The following DLGAP2 variants were observed in gnomAD, a reference collection of about 807,000 sequenced individuals.
The protein encoded by DLGAP2 is disks large-associated protein 2.
Under a neutral mutation model 100.3 loss-of-function variants are expected in DLGAP2, and 26 were observed. That is an observed-to-expected ratio of 0.26 (90% CI 0.19 to 0.36). The LOEUF (loss-of-function observed/expected upper bound fraction) is 0.36. Ranked by LOEUF, DLGAP2 falls within the 10% of genes least tolerant of loss-of-function variation. DLGAP2 has a pLI of 1.00. For missense variants in DLGAP2, 1,858 were observed against 1,453.2 expected, an observed-to-expected ratio of 1.28 and a Z score of -4.53; for synonymous variants, 886 against 630.1, an observed-to-expected ratio of 1.41 and a Z score of -6.08.
intron 2 of DLGAP2, among the ~76,000 whole-genome samples, chr8:1,216,499 A>AT (rs368746179): frequency 1.9e-4 from 28 of 147,960 alleles, no homozygotes; most frequent in Admixed American, 4.1e-4. Flanking sequence ...TGCCTGGCTA[A>AT]TTTTTTTTTT....
intron 2 of DLGAP2, among the ~76,000 whole-genome samples, chr8:1,133,259 G>A (rs982245092): frequency 1.3e-4 from 20 of 152,278 alleles, no homozygotes; most frequent in Middle Eastern, 3.4e-3. Context: ...TTACTTCCAT[G>A]CCTGGGGGTT....
At chr8:825,579 A>G (rs1036687729) in intron 1 of DLGAP2, among the ~76,000 whole-genome samples, 4 of 152,084 alleles carry the variant, frequency 2.6e-5, no homozygotes, top group Admixed American at 1.3e-4. Context: ...CATCCCTCTC[A>G]TTCCAGATGT....
chr8:1,069,370 C>T (rs1341156673), intron 2 of DLGAP2, among the ~76,000 whole-genome samples: 1 of 152,172 alleles, frequency 6.6e-6, no homozygotes, highest in East Asian at 1.9e-4. Context: ...CCAGGTCTCA[C>T]TGGAGGACGG....
chr8:892,739 G>A (rs1365518600), intron 1 of DLGAP2, among the ~76,000 whole-genome samples: 2 of 152,206 alleles, frequency 1.3e-5, no homozygotes, highest in Non-Finnish European at 2.9e-5. Flanking sequence ...GCAGAGGGAT[G>A]GGTAGGAGAG....
chr8:1,592,713 C>T (rs1189376372), intron 6 of DLGAP2, among the ~76,000 whole-genome samples: 1 of 152,082 alleles, frequency 6.6e-6, no homozygotes, highest in Non-Finnish European at 1.5e-5. Flanking sequence ...TTTTTATCTT[C>T]TGTGTTTTCT....
intron 1 of DLGAP2, among the ~76,000 whole-genome samples, chr8:885,687 C>T (rs1254744205): frequency 6.6e-6 from 1 of 152,144 alleles, no homozygotes; most frequent in African/African-American, 2.4e-5. Flanking sequence ...AGAGGGCCTC[C>T]TCGTCTTGTG....
intron 3 of DLGAP2, among the ~76,000 whole-genome samples, chr8:1,308,612 A>T (rs953957184): frequency 6.6e-6 from 1 of 152,176 alleles, no homozygotes; most frequent in East Asian, 1.9e-4. Flanking sequence ...TGCAACCTCA[A>T]CCTCCTGGGT....
intron 1 of DLGAP2, among the ~76,000 whole-genome samples, chr8:820,892 A>G (rs1243725484): frequency 1.3e-5 from 2 of 152,216 alleles, no homozygotes; most frequent in African/African-American, 2.4e-5. Flanking sequence ...CTGTACCGAT[A>G]TGGAGAAATG....
chr8:737,979 G>C, intron 1 of DLGAP2, 154 bp downstream of exon 1: 1 of 330,018 alleles, frequency 3.0e-6, no homozygotes, highest in East Asian at 4.7e-5. Flanking sequence ...GCCGGGGCCG[G>C]AGCGCTGGGG....
chr8:1,195,750 C>A lies in DLGAP2; in HGVS notation c.74-63101C>A, dbSNP rs911610182. On this transcript the variant is annotated intron_variant, in intron 2 of 14. Transcript: ENST00000637795. Reference sequence around the variant, plus strand: ...GTTTAATTTTAGTTACACAGATAATCGCATCACCATCGTTGCTCACCCAGG... The same window carrying A: ...GTTTAATTTTAGTTACACAGATAATAGCATCACCATCGTTGCTCACCCAGG... Among the ~76,000 whole-genome samples the A allele has an allele frequency of 4.6e-5, 7 of 152,146 alleles. No homozygotes were observed. The South Asian group carries it at 6.2e-4, about 14-fold the overall frequency.
intron 2 of DLGAP2, among the ~76,000 whole-genome samples, chr8:979,931 A>C (rs1257884628): frequency 3.3e-5 from 5 of 152,070 alleles, no homozygotes; most frequent in African/African-American, 1.2e-4. Flanking sequence ...AAGAAAGAGG[A>C]GTGAGAGAGG....
intron 2 of DLGAP2, among the ~76,000 whole-genome samples, chr8:1,025,831 G>A (rs1360229447): frequency 1.3e-5 from 2 of 152,238 alleles, no homozygotes; most frequent in East Asian, 1.9e-4. Context: ...GTTTCCAGCT[G>A]TGAGCATGGT....
intron 4 of DLGAP2, among the ~76,000 whole-genome samples, chr8:1,517,333 A>G (rs11784085): frequency 0.18 from 27,883 of 152,068 alleles, 2,869 homozygotes; most frequent in African/African-American, 0.25. Flanking sequence ...GGATGGAAGA[A>G]CGGATGTGGA....
chr8:851,330 C>T (rs918931593), intron 1 of DLGAP2, among the ~76,000 whole-genome samples: 4 of 152,170 alleles, frequency 2.6e-5, no homozygotes, highest in Non-Finnish European at 4.4e-5. Flanking sequence ...TGTCTCAGGA[C>T]GTAGCCCCAT....
chr8:1,573,116 G>C (rs984042826), intron 6 of DLGAP2, among the ~76,000 whole-genome samples: 8 of 135,332 alleles, frequency 5.9e-5, no homozygotes, highest in Non-Finnish European at 1.3e-4. Context: ...TGAACTGTGG[G>C]GGCATCTGAT....
chr8:1,632,339 G>A (rs2469673), intron 7 of DLGAP2, among the ~76,000 whole-genome samples: 2 of 152,162 alleles, frequency 1.3e-5, no homozygotes, highest in Admixed American at 1.3e-4. Context: ...ATGGGTAGAA[G>A]CAGACTCCAT....
intron 1 of DLGAP2, among the ~76,000 whole-genome samples, chr8:894,224 G>A (rs1418741269): frequency 2.6e-5 from 4 of 152,162 alleles, no homozygotes; most frequent in East Asian, 1.9e-4. Flanking sequence ...AGGTGGACAC[G>A]GAATGAGTGA....
intron 2 of DLGAP2, among the ~76,000 whole-genome samples, chr8:1,216,112 C>T (rs186279666): frequency 6.6e-6 from 1 of 152,212 alleles, no homozygotes; most frequent in South Asian, 2.1e-4. Flanking sequence ...GTTCTGTTTT[C>T]TCAGTTGTAA....
chr8:1,576,272 A>C (rs1023076361), intron 6 of DLGAP2, among the ~76,000 whole-genome samples: 1 of 152,188 alleles, frequency 6.6e-6, no homozygotes, highest in South Asian at 2.1e-4. Context: ...TCTTCTTTTG[A>C]GAAGTGTCTG....
Sources: gnomAD v4.1 joint callset for allele counts (sites outside exome capture counted in the v4.1 genomes callset) on GRCh38, gnomAD v4.1.1 for gene constraint, MANE v1.5 for transcripts, NCBI Gene and HGNC (gene_info 2026-07-23, HGNC 2026-07-21) for gene names.